Variants in MYH15 observed in about 807,000 individuals in gnomAD.
MYH15 encodes myosin heavy chain 15, also known as myosin-15.
A neutral mutation model predicts 240.5 loss-of-function variants in MYH15; 227 were observed. That is an observed-to-expected ratio of 0.94 (90% CI 0.85 to 1.05). The LOEUF is 1.05. Among genes scored for constraint, MYH15 ranks in the 50% least tolerant of loss-of-function variants. MYH15 has a pLI of 0.00. For synonymous variants in MYH15, 785 were observed against 796.7 expected (o/e 0.99, Z 0.25); for missense variants, 2,217 against 2,247.5 (o/e 0.99, Z 0.27).
intron 1 of MYH15, among the ~76,000 whole-genome samples, chr3:108,521,368 T>G (rs2107267474): frequency 6.6e-6 from 1 of 151,888 alleles, no homozygotes; most frequent in East Asian, 1.9e-4. Context: ...TTTCTGAACT[T>G]TTTTAAAATG....
chr3:108,437,185 ATTT>A (rs10714366), intron 25 of MYH15, among the ~76,000 whole-genome samples: 4 of 142,480 alleles, frequency 2.8e-5, no homozygotes, highest in Non-Finnish European at 4.5e-5. Context: ...ATCAGGATCA[ATTT>A]TTTTTTTTTT....
intron 35 of MYH15, 72 bp from the exon 36 acceptor site, chr3:108,394,228 CATGCAATGGGAG>C: frequency 6.3e-7 from 1 of 1,593,100 alleles, no homozygotes; most frequent in Middle Eastern, 1.7e-4. Context: ...CTGTTCAGGA[CATGCAATGGGAG>C]TCAGCTCTGG....
intron 38 of MYH15, among the ~76,000 whole-genome samples, chr3:108,385,871 T>C (rs751813037): frequency 1.3e-5 from 2 of 151,910 alleles, no homozygotes; most frequent in African/African-American, 2.4e-5. Context: ...CCTCCTTAGG[T>C]TTAGCCAAGC....
chr3:108,443,259 T>A (rs1177086296), intron 22 of MYH15, among the ~76,000 whole-genome samples: 2 of 152,184 alleles, frequency 1.3e-5, no homozygotes, highest in Non-Finnish European at 2.9e-5. Flanking sequence ...ACTGCTATGT[T>A]AAATACGTAT....
chr3:108,529,347 G>A (rs975855691), upstream of MYH15: 1 of 1,229,908 alleles, frequency 8.1e-7, no homozygotes, highest in Non-Finnish European at 1.2e-6. Context: ...TCCGATGAGA[G>A]AATGATAGCC....
intron 33 of MYH15, among the ~76,000 whole-genome samples, chr3:108,404,560 G>A (rs1176974584): frequency 6.6e-6 from 1 of 152,212 alleles, no homozygotes; most frequent in Non-Finnish European, 1.5e-5. Flanking sequence ...TGTAGGGACT[G>A]CTTTTATCCC....
At chr3:108,516,175 G>A (rs577384889) in intron 1 of MYH15, among the ~76,000 whole-genome samples, 3 of 152,050 alleles carry the variant, frequency 2.0e-5, no homozygotes, top group African/African-American at 4.8e-5. Flanking sequence ...TTTTTAAGTC[G>A]GTTTCATCAT....
At chr3:108,523,016 A>T (rs1158446670) in intron 1 of MYH15, among the ~76,000 whole-genome samples, 1 of 152,110 alleles carries the variant, frequency 6.6e-6, no homozygotes, top group Non-Finnish European at 1.5e-5. Flanking sequence ...GAGAACAAGA[A>T]CATTTGCGAA....
intron 33 of MYH15, among the ~76,000 whole-genome samples, chr3:108,403,663 T>G (rs983221185): frequency 1.3e-5 from 2 of 152,172 alleles, no homozygotes; most frequent in African/African-American, 4.8e-5. Context: ...GATAAGCTCA[T>G]CTTTTCTTTC....
the MYH15 span, among the ~76,000 whole-genome samples, chr3:108,545,890 C>T: frequency 6.6e-6 from 1 of 152,030 alleles, no homozygotes; most frequent in Non-Finnish European, 1.5e-5. Flanking sequence ...TACTGATTAA[C>T]CAATCTCCTA....
intron 29 of MYH15, among the ~76,000 whole-genome samples, chr3:108,416,349 G>A (rs1185653481): frequency 1.3e-5 from 2 of 152,136 alleles, no homozygotes; most frequent in African/African-American, 4.8e-5. Flanking sequence ...TAGTCACTAT[G>A]CTTTCATCTT....
In MYH15 at chr3:108,414,272, T is replaced by C. The variant is rs373333965; in HGVS notation, c.4105A>G (p.Asn1369Asp). The change falls in exon 30 of 41, where the codon AAC (asparagine) becomes GAC (aspartate). Residue 1369 changes from asparagine to aspartate, a missense_variant. Physicochemically the swap from Asn to Asp is conservative, Grantham distance 23. Transcript: ENST00000693548. Reference sequence around the variant, plus strand: ...TCTTCTGTTCTCTGGATGACATTGTTTTCATACTTCATTCTCCATTGCACC... The same window carrying C: ...TCTTCTGTTCTCTGGATGACATTGTCTTCATACTTCATTCTCCATTGCACC... ...EMVQWRMKYENNVIQRTEDLE... is the reference protein window; with the variant it reads ...EMVQWRMKYEDNVIQRTEDLE... 8.1e-6 allele frequency: 13 copies of C among 1,614,068 alleles called. No individual in the cohort carries two copies. Among genetic ancestry groups the C allele is most frequent in the African/African-American group, 1.3e-5 (1 of 74,932 alleles).
chr3:108,407,106 G>C (rs1355821731), intron 32 of MYH15, among the ~76,000 whole-genome samples: 1 of 152,202 alleles, frequency 6.6e-6, no homozygotes, highest in Non-Finnish European at 1.5e-5. Context: ...TATAAAGTTA[G>C]ATAGCCTCAG....
At chr3:108,381,645 T>G in intron 40 of MYH15, 86 bp from the exon 41 acceptor site, 1 of 1,481,394 alleles carries the variant, frequency 6.8e-7, no homozygotes, top group Non-Finnish European at 9.4e-7. Context: ...CTGAGTCCCT[T>G]CCAGAGGTAA....
intron 14 of MYH15, among the ~76,000 whole-genome samples, chr3:108,467,019 A>G (rs2083124609): frequency 6.6e-6 from 1 of 152,154 alleles, no homozygotes; most frequent in South Asian, 2.1e-4. Flanking sequence ...CAATAATACT[A>G]GAAGTTCCTG....
intron 11 of MYH15, among the ~76,000 whole-genome samples, chr3:108,484,817 A>G (rs1187039780): frequency 6.6e-6 from 1 of 152,104 alleles, no homozygotes; most frequent in East Asian, 1.9e-4. Context: ...TCAATAATCT[A>G]TGTGCTAAAG....
rs1303110738 is a variant in MYH15, at chr3:108,510,590, G to T, written c.-60C>A. 6 of 1,412,764 alleles carry T rather than the reference G, an allele frequency of 4.2e-6. No homozygotes were observed. Among genetic ancestry groups the T allele is most frequent in the Non-Finnish European group, 5.7e-6 (6 of 1,046,176 alleles). 87.5% of individuals were successfully genotyped at this position (1,412,764 alleles called of 1,614,324 possible). On this transcript the variant is annotated 5_prime_UTR_variant, in exon 1 of 41. Coordinates refer to ENST00000693548, the MANE Select transcript of MYH15 (RefSeq NM_014981.3). ...AACGTGAGTAGGCAAGATTCAACCT[G>T]AAAAAAAAAAATTGATACAGAGAAG...
At chr3:108,476,150 G>C (rs2083218395) in intron 12 of MYH15, among the ~76,000 whole-genome samples, 1 of 152,174 alleles carries the variant, frequency 6.6e-6, no homozygotes, top group East Asian at 1.9e-4. Flanking sequence ...GGGTTTGTCT[G>C]CATCTGCAAA....
chr3:108,485,513 T>C (rs1051357456), intron 10 of MYH15, among the ~76,000 whole-genome samples: 1 of 152,220 alleles, frequency 6.6e-6, no homozygotes, highest in Non-Finnish European at 1.5e-5. Flanking sequence ...CAGCAACAGA[T>C]CACTAACTGG....
Sources: allele counts gnomAD v4.1 joint callset (sites outside exome capture counted in the v4.1 genomes callset), GRCh38; gene constraint gnomAD v4.1.1; transcripts MANE v1.5; gene names NCBI Gene and HGNC (gene_info 2026-07-23, HGNC 2026-07-21).